The following DMBX1 variants were observed in gnomAD, a reference collection of about 807,000 sequenced individuals.
DMBX1 encodes diencephalon/mesencephalon homeobox 1.
Under a neutral mutation model 30.4 loss-of-function variants are expected in DMBX1, and 7 were observed. The ratio of observed to expected loss-of-function variants is 0.23; its 90% confidence interval spans 0.13 to 0.43. The LOEUF is 0.43. Among genes scored for constraint, DMBX1 ranks in the 20% least tolerant of loss-of-function variants. DMBX1 has a pLI of 1.00. For synonymous variants in DMBX1, 222 were observed against 214.2 expected (o/e 1.04, Z -0.32); for missense variants, 460 against 508.5 (o/e 0.90, Z 0.92).
chr1:46,506,990 C>T lies in DMBX1; in HGVS notation c.-12-9C>T, dbSNP rs371100791. ...TGCCTCATGGCCCCTCTCCCTTTTCCGTCTGTAGGCGGATGCCGCCATGCA... is the reference window on the plus strand; with the variant it reads ...TGCCTCATGGCCCCTCTCCCTTTTCTGTCTGTAGGCGGATGCCGCCATGCA... On this transcript the variant is annotated splice_polypyrimidine_tract_variant and intron_variant, in intron 2 of 5. Transcript: ENST00000360032. 1.9e-4 allele frequency: 308 copies of T among 1,613,008 alleles called. No individual in the cohort carries two copies. The highest frequency in any genetic ancestry group is 2.4e-4 in the Non-Finnish European group (280 of 1,179,322).
intron 2 of DMBX1, among the ~76,000 whole-genome samples, chr1:46,496,727 C>T (rs1021522571): frequency 6.6e-6 from 1 of 152,152 alleles, no homozygotes; most frequent in African/African-American, 2.4e-5. Context: ...CCCTGGGTTA[C>T]ACACTTCTCA....
intron 5 of DMBX1, 127 bp from the exon 6 acceptor site, chr1:46,511,916 T>G: frequency 1.1e-6 from 1 of 930,516 alleles, no homozygotes; most frequent in Non-Finnish European, 1.6e-6. Flanking sequence ...TGAGATGGGA[T>G]GGATGTGGTT....
At chr1:46,505,238 T>A in intron 2 of DMBX1, among the ~76,000 whole-genome samples, 1 of 143,094 alleles carries the variant, frequency 7.0e-6, no homozygotes, top group African/African-American at 2.6e-5. Context: ...GACCCAGCCA[T>A]CCCATTACTG....
intron 2 of DMBX1, among the ~76,000 whole-genome samples, chr1:46,494,626 G>T (rs1229734368): frequency 2.0e-5 from 3 of 152,184 alleles, no homozygotes; most frequent in Non-Finnish European, 4.4e-5. Context: ...TATCCACTGG[G>T]CCCCCATCCC....
At chr1:46,496,593 G>T (rs1165071795) in intron 2 of DMBX1, among the ~76,000 whole-genome samples, 3 of 152,258 alleles carry the variant, frequency 2.0e-5, no homozygotes, top group Non-Finnish European at 4.4e-5. Context: ...AAAGCTCAGA[G>T]TTGGAAGGCT....
intron 2 of DMBX1, among the ~76,000 whole-genome samples, chr1:46,495,535 C>T (rs1459676369): frequency 6.6e-6 from 1 of 152,164 alleles, no homozygotes; most frequent in East Asian, 1.9e-4. Flanking sequence ...CCAGTCAGGT[C>T]TCTATGAGGA....
Position 46,491,873 on chromosome 1 carries a change from ATG to A in DMBX1, c.-13+1096_-13+1097del, listed in dbSNP as rs1044582663. On this transcript the variant is annotated intron_variant, in intron 2 of 5. Transcript: ENST00000360032. The surrounding 1 kb of genome is among the most constrained non-coding windows in gnomAD (Gnocchi z 5.5). ...CCCTTTCTGCAAACCAGCTGTGTTTATGTGTGTCTAGGTGTTCAGAAAAAAAT... is the reference window on the plus strand; with the variant it reads ...CCCTTTCTGCAAACCAGCTGTGTTTATGTGTCTAGGTGTTCAGAAAAAAAT... 1.3e-5 allele frequency among the ~76,000 whole-genome samples: 2 copies of A among 152,166 alleles called. No individual in the cohort carries two copies. Among genetic ancestry groups the A allele is most frequent in the Non-Finnish European group, 2.9e-5 (2 of 68,012 alleles).
chr1:46,512,795 AC>A lies in DMBX1; in HGVS notation c.*303del, dbSNP rs569562028. 4.6e-4 allele frequency: 185 copies of A among 405,962 alleles called. 2 individuals are homozygous for A. Among genetic ancestry groups the A allele is most frequent in the Non-Finnish European group, 6.8e-4 (155 of 227,302 alleles). 25.1% of individuals were successfully genotyped at this position (405,962 alleles called of 1,614,324 possible). On this transcript the variant is annotated 3_prime_UTR_variant, in exon 6 of 6. Transcript: ENST00000360032. The surrounding 1 kb of genome is among the most constrained non-coding windows in gnomAD (Gnocchi z 4.8). ...CTGGCTAGATCCTCATCTCAATAGC[AC>A]CTCCTCCCTTTTCTCCCTATCCTTC...
rs1223759496 is a variant in DMBX1, at chr1:46,515,692, T to C, written c.*3198T>C. 6.6e-6 allele frequency among the ~76,000 whole-genome samples: 1 copy of C among 152,224 alleles called. No individual in the cohort carries two copies. Among genetic ancestry groups the C allele is most frequent in the Non-Finnish European group, 1.5e-5 (1 of 68,046 alleles). ...CACCGTGCATCTCCTCTGAGCACGC[T>C]TGTAAGCAGCACCGCGCTTCCCTTC... On this transcript the variant is annotated 3_prime_UTR_variant, in exon 6 of 6. Coordinates refer to ENST00000360032, the MANE Select transcript of DMBX1 (RefSeq NM_172225.2).
chr1:46,508,807 C>T (rs537549133), intron 3 of DMBX1, among the ~76,000 whole-genome samples: 267 of 150,546 alleles, frequency 1.8e-3, no homozygotes, highest in Non-Finnish European at 2.8e-3. Flanking sequence ...GACACCTACA[C>T]GCCCCCCACC....
chr1:46,499,315 G>A (rs1006089048), intron 2 of DMBX1, among the ~76,000 whole-genome samples: 5 of 152,226 alleles, frequency 3.3e-5, no homozygotes, highest in Non-Finnish European at 7.3e-5. Context: ...GGGATTACAG[G>A]CGTAAGCCCC....
intron 2 of DMBX1, among the ~76,000 whole-genome samples, chr1:46,505,780 C>T (rs1207855004): frequency 4.4e-5 from 6 of 136,250 alleles, no homozygotes; most frequent in African/African-American, 1.5e-4. Context: ...ACATTAACTT[C>T]TACTTAAAAA....
At position 46,512,068 on chromosome 1, in the gene DMBX1, T is replaced by G. The variant is rs889692216; in HGVS notation, c.708T>G (p.Thr236=). The G allele has an allele frequency of 6.2e-7, 1 of 1,612,682 alleles. No homozygotes were observed. The highest frequency in any genetic ancestry group is 1.3e-5 in the African/African-American group (1 of 74,964). Residue 236 remains threonine (T), a synonymous_variant, in exon 6 of 6, where the codon ACT becomes ACG. Coordinates refer to ENST00000360032, the MANE Select transcript of DMBX1 (RefSeq NM_172225.2). The surrounding 1 kb of genome is among the most constrained non-coding windows in gnomAD (Gnocchi z 4.8). ...KADSPGSLTI[T]PVAPGGGLLG... Reference sequence around the variant, plus strand: ...ATTCCCCAGGCAGCCTGACCATCACTCCTGTGGCCCCAGGGGGTGGCCTCC... The same window carrying G: ...ATTCCCCAGGCAGCCTGACCATCACGCCTGTGGCCCCAGGGGGTGGCCTCC...
chr1:46,501,115 G>A (rs1384169568), intron 2 of DMBX1, among the ~76,000 whole-genome samples: 1 of 151,794 alleles, frequency 6.6e-6, no homozygotes, highest in Non-Finnish European at 1.5e-5. Flanking sequence ...AATCTGATCG[G>A]TAAACAATGA....
rs1016105382 is a variant in DMBX1 at position 46,493,014 on chromosome 1, G to A, written c.-13+2231G>A. 6.6e-6 allele frequency among the ~76,000 whole-genome samples: 1 copy of A among 152,102 alleles called. No homozygotes were observed. Among genetic ancestry groups the A allele is most frequent in the African/African-American group, 2.4e-5 (1 of 41,470 alleles). On this transcript the variant is annotated intron_variant, in intron 2 of 5. Transcript: ENST00000360032. The surrounding 1 kb of genome is among the most constrained non-coding windows in gnomAD (Gnocchi z 4.1). ...ATTCCCGCCACTCTCTCCAGGCCTCGAAGTTACTCCTCCTCCTCCGGCCAG... is the reference window on the plus strand; with the variant it reads ...ATTCCCGCCACTCTCTCCAGGCCTCAAAGTTACTCCTCCTCCTCCGGCCAG...
chr1:46,495,586 AAGGT>A (rs1666011504), intron 2 of DMBX1, among the ~76,000 whole-genome samples: 1 of 152,156 alleles, frequency 6.6e-6, no homozygotes, highest in African/African-American at 2.4e-5. Flanking sequence ...ACTCTGGCAA[AAGGT>A]AGGCAAATTG....
chr1:46,510,461 G>T lies in DMBX1; in HGVS notation c.155-15G>T, dbSNP rs375847436. The stretch of plus-strand genomic sequence containing the variant: ...GGCCCCCTCTCCTTGCCCTCCAACG[G>T]CTGTACATTTCAAGACATCATCTTG... On this transcript the variant is annotated splice_polypyrimidine_tract_variant and intron_variant, in intron 3 of 5. Transcript: ENST00000360032. This position sits in a 1 kb window ranked among gnomAD's most constrained non-coding sequence, Gnocchi z 4.1. 6.2e-7 allele frequency: 1 copy of T among 1,612,282 alleles called. No homozygotes were observed. Among genetic ancestry groups the T allele is most frequent in the African/African-American group, 1.3e-5 (1 of 74,896 alleles).
At chr1:46,511,400 A>G in intron 5 of DMBX1, 117 bp downstream of exon 5, 1 of 1,188,688 alleles carries the variant, frequency 8.4e-7, no homozygotes, top group Non-Finnish European at 1.1e-6. Flanking sequence ...GAAAGGACTG[A>G]CCACAGCAGG....
In DMBX1 at chr1:46,511,199, G is replaced by A. The variant is rs34614765; in HGVS notation, c.598G>A (p.Ala200Thr). The A allele has an allele frequency of 3.7e-6, 6 of 1,613,426 alleles. No homozygotes were observed. Among genetic ancestry groups the A allele is most frequent in the South Asian group, 1.1e-5 (1 of 91,052 alleles). Residue 200 changes from alanine to threonine, a missense_variant, in exon 5 of 6, where the codon GCA (alanine) becomes ACA (threonine). Physicochemically the swap from Ala to Thr is moderately conservative, Grantham distance 58. This residue lies in a region of DMBX1 where 334 missense variants were observed against 345.1 expected (regional missense o/e 0.97). Coordinates refer to ENST00000360032, the MANE Select transcript of DMBX1 (RefSeq NM_172225.2). The stretch of plus-strand genomic sequence containing the variant: ...GCCGGACCGTGAGGAGGACCCCAGG[G>A]CAGGGGCTGAGGACCCCAAAGCTGA... ...DQPDREEDPR[A>T]GAEDPKAEKS...
Sources: gnomAD v4.1 joint callset for allele counts (sites outside exome capture counted in the v4.1 genomes callset) on GRCh38, gnomAD v4.1.1 for gene constraint, gnomAD v4.1.1 regional missense constraint, Gnocchi (gnomAD v3.1) non-coding constraint, MANE v1.5 for transcripts, NCBI Gene and HGNC (gene_info 2026-07-23, HGNC 2026-07-21) for gene names.